Variants in KCNG3 observed in about 807,000 individuals in gnomAD.
The protein encoded by KCNG3 is potassium voltage-gated channel modifier subfamily G member 3, also known as voltage-gated potassium channel regulatory subunit KCNG3.
KCNG3 carries 15 observed loss-of-function variants against 29.0 expected under a neutral mutation model. The ratio of observed to expected loss-of-function variants is 0.52; its 90% confidence interval spans 0.35 to 0.80. The LOEUF (loss-of-function observed/expected upper bound fraction) is 0.80. KCNG3 is among the 30% of genes least tolerant of loss of function. The pLI, the probability that KCNG3 is intolerant of heterozygous loss-of-function variation, is 0.01. For synonymous variants in KCNG3, 322 were observed against 248.9 expected (o/e 1.29, Z -2.76); for missense variants, 512 against 605.7 (o/e 0.85, Z 1.62).
chr2:42,403,621 CTTT>C, the KCNG3 span, among the ~76,000 whole-genome samples: 4 of 134,386 alleles, frequency 3.0e-5, no homozygotes, highest in Non-Finnish European at 4.8e-5. Context: ...ACTTTTTTTT[CTTT>C]TTTTTTTTTT....
At chr2:42,464,487 C>A (rs1045234233) in intron 1 of KCNG3, among the ~76,000 whole-genome samples, 8 of 152,196 alleles carry the variant, frequency 5.3e-5, no homozygotes, top group African/African-American at 1.9e-4. Flanking sequence ...ATTCGCAGTA[C>A]TAAAAGCAGC....
intron 1 of KCNG3, among the ~76,000 whole-genome samples, chr2:42,482,068 C>A (rs1212269096): frequency 1.3e-5 from 2 of 152,150 alleles, no homozygotes; most frequent in Non-Finnish European, 2.9e-5. Context: ...AAACAAACTG[C>A]CTGCCTCAGC....
chr2:42,488,769 C>T (rs374667453), intron 1 of KCNG3, among the ~76,000 whole-genome samples: 18 of 152,048 alleles, frequency 1.2e-4, no homozygotes, highest in Admixed American at 3.3e-4. Flanking sequence ...TGGCTGGTCT[C>T]GAACTCCTGA....
chr2:42,455,076 A>G (rs1393368608), intron 1 of KCNG3, among the ~76,000 whole-genome samples: 1 of 152,250 alleles, frequency 6.6e-6, no homozygotes, highest in African/African-American at 2.4e-5. Context: ...TTTAAAGAGC[A>G]AACATATGAG....
At chr2:42,453,043 A>G (rs1180757092) in intron 1 of KCNG3, among the ~76,000 whole-genome samples, 3 of 152,102 alleles carry the variant, frequency 2.0e-5, no homozygotes, top group Non-Finnish European at 4.4e-5. Flanking sequence ...CAGCCTCCCA[A>G]AGTGCTGAGA....
chr2:42,460,919 T>C (rs1672999337), intron 1 of KCNG3, among the ~76,000 whole-genome samples: 1 of 152,040 alleles, frequency 6.6e-6, no homozygotes, highest in Non-Finnish European at 1.5e-5. Context: ...CCCAGCACTT[T>C]GGGAGGCCGA....
the KCNG3 span, among the ~76,000 whole-genome samples, chr2:42,412,612 G>T: frequency 6.6e-6 from 1 of 152,112 alleles, no homozygotes; most frequent in African/African-American, 2.4e-5. Context: ...TTTCTTGGTA[G>T]ACTGTTTCTT....
chr2:42,408,685 A>C, the KCNG3 span, among the ~76,000 whole-genome samples: 2 of 152,044 alleles, frequency 1.3e-5, no homozygotes, highest in Non-Finnish European at 2.9e-5. Flanking sequence ...CCTCCTGCTC[A>C]CCCTCTGCTT....
chr2:42,488,135 T>C (rs561877839), intron 1 of KCNG3, among the ~76,000 whole-genome samples: 2 of 152,338 alleles, frequency 1.3e-5, no homozygotes, highest in East Asian at 3.9e-4. Flanking sequence ...AGGCTTAGTT[T>C]TGTAGCTTTT....
At chr2:42,445,733 CT>C (rs5830728) in intron 1 of KCNG3, among the ~76,000 whole-genome samples, 100,034 of 149,964 alleles carry the variant, frequency 0.67, 34,265 homozygotes, top group East Asian at 0.78. Context: ...GATAGGATTC[CT>C]TTTTTTTTTT....
At chr2:42,476,767 G>A (rs1673437120) in intron 1 of KCNG3, among the ~76,000 whole-genome samples, 1 of 151,574 alleles carries the variant, frequency 6.6e-6, no homozygotes, top group Non-Finnish European at 1.5e-5. Context: ...TGGGATTACA[G>A]GTGTGAGCCA....
At chr2:42,405,634 G>A in the KCNG3 span, among the ~76,000 whole-genome samples, 1 of 151,486 alleles carries the variant, frequency 6.6e-6, no homozygotes, top group Non-Finnish European at 1.5e-5. Context: ...TTGAGACAGA[G>A]TCTCACTCTG....
chr2:42,444,811 C>A lies in KCNG3; in HGVS notation c.666-232G>T, dbSNP rs1185993772. On this transcript the variant is annotated intron_variant, in intron 1 of 1. Transcript: ENST00000306078. This position sits in a 1 kb window ranked among gnomAD's most constrained non-coding sequence, Gnocchi z 5.8. Reference sequence around the variant, plus strand: ...GTGCAGTGGCTCATGCATGTAATCCCAGGTCTTTGGAAGGCTGAGGTGGGT... The same window carrying A: ...GTGCAGTGGCTCATGCATGTAATCCAAGGTCTTTGGAAGGCTGAGGTGGGT... Among the ~76,000 whole-genome samples the A allele has an allele frequency of 6.6e-6, 1 of 151,896 alleles. No homozygotes were observed. The highest frequency in any genetic ancestry group is 2.4e-5 in the African/African-American group (1 of 41,330).
chr2:42,437,388 C>G (rs369935601), downstream of KCNG3, among the ~76,000 whole-genome samples: 3 of 152,144 alleles, frequency 2.0e-5, no homozygotes, highest in African/African-American at 4.8e-5. Flanking sequence ...TTTTTAAGAG[C>G]CTTCCAAATG....
At chr2:42,441,731 C>CATATATATAAAATATATA (rs1558371174), downstream of KCNG3, among the ~76,000 whole-genome samples, 63 of 8,958 alleles carry the variant, frequency 7.0e-3, 2 homozygotes, top group Non-Finnish European at 8.1e-3. Flanking sequence ...CACACATATC[C>CATATATATAAAATATATA]CTATATATAA....
the KCNG3 span, among the ~76,000 whole-genome samples, chr2:42,417,182 G>A: frequency 6.6e-6 from 1 of 152,232 alleles, no homozygotes; most frequent in African/African-American, 2.4e-5. Context: ...AGTGGAGGTT[G>A]CAGTGAGCTG....
At chr2:42,451,754 G>T (rs1158521417) in intron 1 of KCNG3, among the ~76,000 whole-genome samples, 1 of 151,864 alleles carries the variant, frequency 6.6e-6, no homozygotes, top group Non-Finnish European at 1.5e-5. Context: ...ATTAAAATTA[G>T]CAGGGAGTGG....
intron 1 of KCNG3, among the ~76,000 whole-genome samples, chr2:42,452,073 A>G (rs1362746465): frequency 2.0e-5 from 3 of 151,998 alleles, no homozygotes; most frequent in Admixed American, 6.6e-5. Context: ...CAACCCAACT[A>G]AAAAATGGAC....
chr2:42,453,452 T>A (rs1672810670), intron 1 of KCNG3, among the ~76,000 whole-genome samples: 1 of 152,254 alleles, frequency 6.6e-6, no homozygotes. Context: ...TGATCATCAA[T>A]GAGGCTGAGC....
Sources: allele counts gnomAD v4.1 joint callset (sites outside exome capture counted in the v4.1 genomes callset), GRCh38; gene constraint gnomAD v4.1.1; non-coding constraint Gnocchi (gnomAD v3.1); transcripts MANE v1.5; gene names NCBI Gene and HGNC (gene_info 2026-07-23, HGNC 2026-07-21).